ZNF213: variants seen among roughly 807,000 people sequenced by gnomAD.
ZNF213 encodes the protein zinc finger protein 213, also known as putative transcription factor CR53.
A neutral mutation model predicts 46.0 loss-of-function variants in ZNF213; 32 were observed. The ratio of observed to expected loss-of-function variants is 0.70; its 90% CI spans 0.52 to 0.93. The LOEUF (loss-of-function observed/expected upper bound fraction) is 0.93, where lower values mean the gene tolerates loss of function less well. ZNF213 is among the 40% of genes least tolerant of loss of function. The probability of loss-of-function intolerance (pLI) is 0.00; values close to 1 mark genes in which losing one functional copy is unlikely to be tolerated. For missense variants in ZNF213, 639 were observed against 652.8 expected, an observed-to-expected ratio of 0.98 and a Z score of 0.23; for synonymous variants, 297 against 271.0, an observed-to-expected ratio of 1.10 and a Z score of -0.94.
intron 1 of ZNF213, among the ~76,000 whole-genome samples, chr16:3,136,014 C>G (rs984806807): frequency 1.3e-5 from 2 of 151,720 alleles, no homozygotes; most frequent in Non-Finnish European, 2.9e-5. Context: ...TTTTTTGGTA[C>G]AGATGGCGTC....
At chr16:3,135,556 C>T (rs1259876098) in intron 1 of ZNF213, 169 bp downstream of exon 1, 2 of 152,202 alleles carry the variant, frequency 1.3e-5, no homozygotes, top group African/African-American at 4.8e-5. Context: ...GATTAAGAAA[C>T]TAGAGCATAT....
In ZNF213 at chr16:3,140,924, C is replaced by T. The variant is rs764497591; in HGVS notation, c.957C>T (p.Cys319=). ...TGGCAGCCGAGAAGCCGCACAGCTG[C>T]GGGCAGTGTGGAAAGCGCTTCCGCT... The part of the protein sequence containing the change: ...RDLAAEKPHS[C]GQCGKRFRWG... Residue 319 remains cysteine, a synonymous_variant, in exon 6 of 6, where the codon TGC becomes TGT. Coordinates refer to ENST00000396878, the MANE Select transcript of ZNF213 (RefSeq NM_004220.3). 35 of 1,595,614 alleles carry T rather than the reference C, an allele frequency of 2.2e-5. No individual in the cohort carries two copies. Among genetic ancestry groups the T allele is most frequent in the Non-Finnish European group, 2.8e-5 (33 of 1,174,616 alleles).
chr16:3,136,817 A>G (rs1478908881), intron 1 of ZNF213, among the ~76,000 whole-genome samples: 1 of 152,200 alleles, frequency 6.6e-6, no homozygotes, highest in East Asian at 1.9e-4. Context: ...AACTGAAGAT[A>G]TATGTTATTA....
chr16:3,141,216 C>T lies in ZNF213; in HGVS notation c.1249C>T (p.Leu417=), dbSNP rs781279490. The change falls in exon 6 of 6, where the codon CTG becomes TTG. Residue 417 remains leucine, a synonymous_variant. Transcript: ENST00000396878. ...GKSFSLRSYL[L]DHRRVHTGER... ...GAGCTTCTCGCTGCGCTCCTACCTG[C>T]TGGACCATCGGCGTGTGCACACCGG... The T allele has an allele frequency of 1.9e-6, 3 of 1,612,632 alleles. No homozygotes were observed. Among genetic ancestry groups the T allele is most frequent in the Non-Finnish European group, 2.5e-6 (3 of 1,179,926 alleles).
At chr16:3,140,464 C>G (rs1957590885) in intron 5 of ZNF213, 3 of 526,992 alleles carry the variant, frequency 5.7e-6, no homozygotes, top group African/African-American at 4.0e-5. Flanking sequence ...CTCAGGTGAT[C>G]AGCTCGCCTC....
chr16:3,138,943 G>A (rs2735533), intron 4 of ZNF213, 32 bp from the exon 5 acceptor site: 12 of 1,613,994 alleles, frequency 7.4e-6, no homozygotes, highest in African/African-American at 1.3e-5. Flanking sequence ...GCTGCTGGGA[G>A]GCCTGAGCCG....
Position 3,140,788 on chromosome 16 carries a change from C to T in ZNF213, c.821C>T (p.Pro274Leu), listed in dbSNP as rs570647477. 6.3e-7 allele frequency: 1 copy of T among 1,594,466 alleles called. No individual in the cohort carries two copies. Among genetic ancestry groups the T allele is most frequent in the Admixed American group, 1.8e-5 (1 of 55,866 alleles). Residue 274 changes from proline (P) to leucine (L), a missense_variant, in exon 6 of 6, where the codon CCC becomes CTC. Physicochemically the swap from Pro to Leu is moderately conservative, Grantham distance 98 (BLOSUM62 -3). Coordinates refer to ENST00000396878, the MANE Select transcript of ZNF213 (RefSeq NM_004220.3). ...AGCGACGTGACTGTGTCCTGGAGCCCCGAGGAGGCTGAGGCCTGGGAGAGC... is the reference window on the plus strand; with the variant it reads ...AGCGACGTGACTGTGTCCTGGAGCCTCGAGGAGGCTGAGGCCTGGGAGAGC... The part of the protein sequence containing the change: ...TGSDVTVSWS[P>L]EEAEAWESEN...
In ZNF213 at chr16:3,141,439, C is replaced by G; in HGVS notation, c.*92C>G. The G allele has an allele frequency of 1.4e-6, 2 of 1,406,280 alleles. No homozygotes were observed. The highest frequency in any genetic ancestry group is 1.9e-6 in the Non-Finnish European group (2 of 1,066,936). The allele number at this position is 1,406,280 out of a possible 1,614,324, so 87.1% of individuals were successfully genotyped here. A position where few individuals can be genotyped will look rare whatever the true frequency, so the allele number is the denominator to read the frequency against. Reference sequence around the variant, plus strand: ...GGACTCTCCTTCCATCTGTGGCCACCTCCCGGGCTGTCCGAGGGACCCCAG... The same window carrying G: ...GGACTCTCCTTCCATCTGTGGCCACGTCCCGGGCTGTCCGAGGGACCCCAG... On this transcript the variant is annotated 3_prime_UTR_variant, in exon 6 of 6. Coordinates refer to ENST00000396878, the MANE Select transcript of ZNF213 (RefSeq NM_004220.3).
intron 3 of ZNF213, 37 bp from the exon 4 acceptor site, chr16:3,138,708 G>T (rs771218114): frequency 1.2e-6 from 2 of 1,613,358 alleles, no homozygotes; most frequent in African/African-American, 1.3e-5. Flanking sequence ...TGTCAAGCCT[G>T]GGCTGGCCTT....
Position 3,140,995 on chromosome 16 carries a change from A to T in ZNF213, c.1028A>T (p.Lys343Met). The change falls in exon 6 of 6, where the codon AAG becomes ATG. Residue 343 changes from lysine (K) to methionine (M), a missense_variant. By Grantham distance (95) the Lys-to-Met change is moderately conservative. Transcript: ENST00000396878. Reference protein sequence around the residue: ...ARHQRTHTGEKPHKCPECDKS... With the variant: ...ARHQRTHTGEMPHKCPECDKS... ...CACCAGCGCACGCACACGGGCGAGA[A>T]GCCACACAAGTGCCCTGAGTGCGAC... The T allele has an allele frequency of 6.2e-7, 1 of 1,611,466 alleles. No homozygotes were observed. Among genetic ancestry groups the T allele is most frequent in the Non-Finnish European group, 8.5e-7 (1 of 1,179,572 alleles).
chr16:3,141,296 C>T lies in ZNF213; in HGVS notation c.1329C>T (p.His443=). The T allele has an allele frequency of 6.2e-7, 1 of 1,605,108 alleles. No homozygotes were observed. Among genetic ancestry groups the T allele is most frequent in the Non-Finnish European group, 8.5e-7 (1 of 1,176,876 alleles). ...ECDKSFKQRA[H]LIAHQSLHAK... ...ACAAGAGCTTCAAGCAGCGCGCGCA[C>T]CTCATCGCGCATCAGAGCCTGCACG... is the stretch of plus-strand genomic sequence containing the variant. The change falls in exon 6 of 6, where the codon CAC becomes CAT. Residue 443 remains histidine (H), a synonymous_variant. Coordinates refer to ENST00000396878, the MANE Select transcript of ZNF213 (RefSeq NM_004220.3).
chr16:3,137,807 C>A, intron 2 of ZNF213, 128 bp downstream of exon 2: 4 of 1,168,564 alleles, frequency 3.4e-6, no homozygotes, highest in Non-Finnish European at 4.8e-6. Context: ...CAGGAGCAGG[C>A]ACACAAGCAC....
rs1957603908 is a variant in ZNF213 at position 3,141,479 on chromosome 16, G to A, written c.*132G>A. 1.0e-5 allele frequency: 11 copies of A among 1,086,618 alleles called. No homozygotes were observed. Among genetic ancestry groups the A allele is most frequent in the African/African-American group, 4.8e-5 (3 of 62,534 alleles). The allele number at this position is 1,086,618 out of a possible 1,614,324, so 67.3% of individuals were successfully genotyped here. A position where few individuals can be genotyped will look rare whatever the true frequency, so the allele number is the denominator to read the frequency against. Reference sequence around the variant, plus strand: ...AGGGACCCCAGGGTACCTCACACTCGGAGCTCGCCTGCCCTGCTTGGCTCT... The same window carrying A: ...AGGGACCCCAGGGTACCTCACACTCAGAGCTCGCCTGCCCTGCTTGGCTCT... On this transcript the variant is annotated 3_prime_UTR_variant, in exon 6 of 6. Coordinates refer to ENST00000396878, the MANE Select transcript of ZNF213 (RefSeq NM_004220.3).
In ZNF213 at chr16:3,142,533, T is replaced by A. The variant is rs1216253688; in HGVS notation, c.*1186T>A. On this transcript the variant is annotated 3_prime_UTR_variant, in exon 6 of 6. Coordinates refer to ENST00000396878, the MANE Select transcript of ZNF213 (RefSeq NM_004220.3). ...CACTACCACCCTGCTCCATCATCAC[T>A]ACGTCCAGCTCCAACGGCACTGGTG... The A allele has an allele frequency of 5.6e-6, 1 of 177,046 alleles. No individual in the cohort carries two copies. The highest frequency in any genetic ancestry group is 1.2e-5 in the Non-Finnish European group (1 of 82,510). The allele number at this position is 177,046 out of a possible 1,614,324, so 11.0% of individuals were successfully genotyped here.
chr16:3,141,549 C>G lies in ZNF213; in HGVS notation c.*202C>G, dbSNP rs909310964. ...AAAGGGAACGGAAGCCTTCCCCTCC[C>G]GCCCCCGATCTTGTCCTCTTTCCCC... On this transcript the variant is annotated 3_prime_UTR_variant, in exon 6 of 6. Coordinates refer to ENST00000396878, the MANE Select transcript of ZNF213 (RefSeq NM_004220.3). The G allele has an allele frequency of 1.8e-6, 1 of 567,374 alleles. No homozygotes were observed. The highest frequency in any genetic ancestry group is 1.9e-5 in the African/African-American group (1 of 52,226). 35.1% of individuals were successfully genotyped at this position (567,374 alleles called of 1,614,324 possible). A position where few individuals can be genotyped will look rare whatever the true frequency, so the allele number is the denominator to read the frequency against.
rs770006514 is a variant in ZNF213, at chr16:3,137,413, C to T, written c.133C>T (p.Arg45Cys). 5.0e-6 allele frequency: 8 copies of T among 1,613,852 alleles called. No homozygotes were observed. The highest frequency in any genetic ancestry group is 1.7e-5 in the Admixed American group (1 of 60,008). ...HEDGRDSEAC[R>C]QRFRQFCYGD... is the part of the protein sequence containing the mutation. ...GGATGGCAGGGATTCCGAAGCCTGCCGCCAGCGCTTCCGGCAATTCTGCTA... is the reference window on the plus strand; with the variant it reads ...GGATGGCAGGGATTCCGAAGCCTGCTGCCAGCGCTTCCGGCAATTCTGCTA... Residue 45 changes from arginine (R) to cysteine (C), a missense_variant, in exon 2 of 6, where the codon CGC becomes TGC. By Grantham distance (180) the Arg-to-Cys change is radical (BLOSUM62 -3). Coordinates refer to ENST00000396878, the MANE Select transcript of ZNF213 (RefSeq NM_004220.3).
chr16:3,137,496 C>G lies in ZNF213; in HGVS notation c.216C>G (p.Arg72=). The change falls in exon 2 of 6, where the codon CGC becomes CGG. Residue 72 remains arginine, a synonymous_variant. Transcript: ENST00000396878. Reference sequence around the variant, plus strand: ...GCCAGCTCTGGGAGCTCTGCTGCCGCTGGCTGCGGCCCGAGCTGCGTACCA... The same window carrying G: ...GCCAGCTCTGGGAGCTCTGCTGCCGGTGGCTGCGGCCCGAGCTGCGTACCA... ...AFSQLWELCC[R]WLRPELRTKE... The G allele has an allele frequency of 6.2e-7, 1 of 1,613,986 alleles. No homozygotes were observed. Among genetic ancestry groups the G allele is most frequent in the South Asian group, 1.1e-5 (1 of 91,076 alleles).
rs1012229009 is a variant in ZNF213, at chr16:3,140,550, C to T, written c.722-139C>T. 4 of 1,239,984 alleles carry T rather than the reference C, an allele frequency of 3.2e-6. No individual in the cohort carries two copies. The African/African-American group carries it at 4.8e-5, about 15-fold the overall frequency. The allele number at this position is 1,239,984 out of a possible 1,614,324, so 76.8% of individuals were successfully genotyped here. A position where few individuals can be genotyped will look rare whatever the true frequency, so the allele number is the denominator to read the frequency against. ...TCATCCCTGTTTTATAGATGAGGAACCTGAGAATTCAGCTGTGTGAACCCA... is the reference window on the plus strand; with the variant it reads ...TCATCCCTGTTTTATAGATGAGGAATCTGAGAATTCAGCTGTGTGAACCCA... On this transcript the variant is annotated intron_variant, in intron 5 of 5. Coordinates refer to ENST00000396878, the MANE Select transcript of ZNF213 (RefSeq NM_004220.3).
Position 3,135,106 on chromosome 16 carries a change from G to GGGGGCGGGGGCGGGGGCC in ZNF213, c.-387_-370dup, listed in dbSNP as rs1341519634. 1.3e-5 allele frequency: 2 copies of GGGGGCGGGGGCGGGGGCC among 148,900 alleles called. No individual in the cohort carries two copies. Among genetic ancestry groups the GGGGGCGGGGGCGGGGGCC allele is most frequent in the African/African-American group, 2.5e-5 (1 of 39,850 alleles). 9.2% of individuals were successfully genotyped at this position (148,900 alleles called of 1,614,324 possible). On this transcript the variant is annotated 5_prime_UTR_variant, in exon 1 of 6. Transcript: ENST00000396878. The stretch of plus-strand genomic sequence containing the variant: ...AGTGGGCGTTGTGTGTTTCGGGGGC[G>GGGGGCGGGGGCGGGGGCC]GGGGCGGGGGCGGGGGCCGGGGCGG...
Sources: gnomAD v4.1 joint callset for allele counts (sites outside exome capture counted in the v4.1 genomes callset) on GRCh38, gnomAD v4.1.1 for gene constraint, MANE v1.5 for transcripts, NCBI Gene and HGNC (gene_info 2026-07-23, HGNC 2026-07-21) for gene names.